The following TLL1 variants were observed in gnomAD, a reference collection of about 807,000 sequenced individuals.
TLL1 encodes the protein tolloid like 1.
A neutral mutation model predicts 128.2 loss-of-function variants in TLL1; 49 were observed. That is an observed-to-expected ratio of 0.38 (90% CI 0.30 to 0.48). The LOEUF (loss-of-function observed/expected upper bound fraction) is 0.48, where lower values mean the gene tolerates loss of function less well. TLL1 is among the 20% of genes least tolerant of loss of function. The pLI, the probability that TLL1 is intolerant of heterozygous loss-of-function variation, is 0.96. For missense variants in TLL1, 1,123 were observed against 1,242.0 expected (o/e 0.90, Z 1.44); for synonymous variants, 454 against 418.8 (o/e 1.08, Z -1.03).
At chr4:166,055,568 C>T (rs547686118) in intron 13 of TLL1, among the ~76,000 whole-genome samples, 1 of 152,108 alleles carries the variant, frequency 6.6e-6, no homozygotes, top group South Asian at 2.1e-4. Flanking sequence ...ATGAAAATAA[C>T]CAACCAAGAA....
intron 4 of TLL1, 91 bp from the exon 5 acceptor site, chr4:165,994,969 CA>C (rs1736800826): frequency 1.0e-6 from 1 of 993,086 alleles, no homozygotes; most frequent in African/African-American, 1.6e-5. Context: ...TGGCATTCTG[CA>C]CTGCTCAGCC....
intron 9 of TLL1, among the ~76,000 whole-genome samples, chr4:166,033,356 AAGTT>A (rs1281348590): frequency 2.1e-5 from 3 of 144,758 alleles, no homozygotes; most frequent in South Asian, 4.5e-4. Context: ...GGCAAATCAA[AAGTT>A]AGTGGTATGA....
chr4:165,920,232 TAGAA>T (rs929741536), intron 1 of TLL1, among the ~76,000 whole-genome samples: 2 of 152,328 alleles, frequency 1.3e-5, no homozygotes, highest in East Asian at 1.9e-4. Flanking sequence ...AGAGAAAACT[TAGAA>T]AGTCTAATTT....
intron 1 of TLL1, among the ~76,000 whole-genome samples, chr4:165,876,696 A>G (rs973174478): frequency 6.6e-6 from 1 of 152,220 alleles, no homozygotes; most frequent in Non-Finnish European, 1.5e-5. Flanking sequence ...TGTCTTCATT[A>G]AGATTATTCA....
chr4:165,992,878 G>C lies in TLL1; in HGVS notation c.355G>C (p.Gly119Arg), dbSNP rs1736710326. ...YQLIDRIRRI[G>R]FGLEQNNTVK... ...ACTTATAGACAGGATAAGAAGAATT[G>C]GCTTTGGTATATCAATGTTTAAAGT... Residue 119 changes from glycine to arginine, a missense_variant, in exon 3 of 21, where the codon GGC (glycine) becomes CGC (arginine). Gly to Arg is a moderately radical substitution (Grantham distance 125, BLOSUM62 -2). Transcript: ENST00000061240. 6.2e-7 allele frequency: 1 copy of C among 1,613,020 alleles called. No individual in the cohort carries two copies. The highest frequency in any genetic ancestry group is 2.2e-5 in the East Asian group (1 of 44,832).
chr4:165,952,233 C>T (rs1435731863), intron 1 of TLL1, among the ~76,000 whole-genome samples: 2 of 152,104 alleles, frequency 1.3e-5, no homozygotes. Context: ...AAGGATCATA[C>T]TAAATTTCTG....
intron 16 of TLL1, among the ~76,000 whole-genome samples, chr4:166,073,340 C>T (rs1052757710): frequency 6.6e-6 from 1 of 152,112 alleles, no homozygotes; most frequent in Admixed American, 6.6e-5. Context: ...ATAATTCTCA[C>T]TGTTGATACA....
chr4:166,044,355 G>T, intron 12 of TLL1: 1 of 1,535,444 alleles, frequency 6.5e-7, no homozygotes. Flanking sequence ...TTGTGTGTCT[G>T]TACCTGCAGC....
intron 1 of TLL1, among the ~76,000 whole-genome samples, chr4:165,907,545 C>G (rs1392432774): frequency 6.8e-6 from 1 of 147,906 alleles, no homozygotes; most frequent in African/African-American, 2.6e-5. Flanking sequence ...TAATTTAATG[C>G]AAGCCTTTTT....
At chr4:166,004,036 T>C (rs1737291947) in intron 6 of TLL1, among the ~76,000 whole-genome samples, 1 of 152,094 alleles carries the variant, frequency 6.6e-6, no homozygotes, top group Non-Finnish European at 1.5e-5. Flanking sequence ...ATGAGTCATT[T>C]CCAAGCTAAT....
At chr4:165,960,666 A>G (rs1735053076) in intron 1 of TLL1, among the ~76,000 whole-genome samples, 1 of 152,216 alleles carries the variant, frequency 6.6e-6, no homozygotes, top group African/African-American at 2.4e-5. Context: ...GACATTTTCA[A>G]ATCAATAAAT....
intron 12 of TLL1, among the ~76,000 whole-genome samples, chr4:166,051,240 T>C (rs1443569227): frequency 1.3e-5 from 2 of 151,972 alleles, no homozygotes; most frequent in African/African-American, 4.8e-5. Context: ...CTCTTTTCTT[T>C]TTTCTCTTTT....
intron 9 of TLL1, among the ~76,000 whole-genome samples, chr4:166,028,944 A>C (rs1267084533): frequency 6.6e-6 from 1 of 151,804 alleles, no homozygotes; most frequent in Non-Finnish European, 1.5e-5. Flanking sequence ...TATAGTGCTT[A>C]TTTTAATTCT....
intron 1 of TLL1, among the ~76,000 whole-genome samples, chr4:165,915,706 C>T (rs188380837): frequency 5.9e-5 from 9 of 152,256 alleles, no homozygotes; most frequent in African/African-American, 2.2e-4. Context: ...ATGTTAAGGT[C>T]AGAGAGACAG....
chr4:166,094,499 C>T (rs1741931319), intron 19 of TLL1, among the ~76,000 whole-genome samples: 1 of 152,114 alleles, frequency 6.6e-6, no homozygotes, highest in Non-Finnish European at 1.5e-5. Context: ...CAGATACCCA[C>T]GTGAGGAACC....
At position 165,991,157 on chromosome 4, in the gene TLL1, T is replaced by A. The variant is rs1180950375; in HGVS notation, c.281-1647T>A. On this transcript the variant is annotated intron_variant, in intron 2 of 20. Transcript: ENST00000061240. ...TGAAGGCATTGATTTTCTGTGATTT[T>A]AAATTTTTAAAATGTTGTTATTTAA... Among the ~76,000 whole-genome samples the A allele has an allele frequency of 2.6e-5, 4 of 152,080 alleles. No individual in the cohort carries two copies. The East Asian group carries it at 7.7e-4, about 29-fold the overall frequency.
chr4:166,072,893 A>T (rs1579707694), intron 16 of TLL1, among the ~76,000 whole-genome samples: 1 of 152,152 alleles, frequency 6.6e-6, no homozygotes, highest in African/African-American at 2.4e-5. Context: ...TTATTAGTCA[A>T]TTGCAAATGT....
intron 1 of TLL1, among the ~76,000 whole-genome samples, chr4:165,911,268 G>A (rs1202819740): frequency 6.6e-6 from 1 of 151,814 alleles, no homozygotes; most frequent in Non-Finnish European, 1.5e-5. Context: ...TTTAGCTCCC[G>A]CATGTGAGTG....
chr4:166,019,043 T>C (rs1293778547), intron 8 of TLL1, among the ~76,000 whole-genome samples: 5 of 152,208 alleles, frequency 3.3e-5, no homozygotes, highest in Non-Finnish European at 5.9e-5. Flanking sequence ...AGCAAAGGCA[T>C]GGAATCAATC....
Sources: allele counts gnomAD v4.1 joint callset (sites outside exome capture counted in the v4.1 genomes callset), GRCh38; gene constraint gnomAD v4.1.1; transcripts MANE v1.5; gene names NCBI Gene and HGNC (gene_info 2026-07-23, HGNC 2026-07-21).